The following GALNTL6 variants were observed in gnomAD, a reference collection of about 807,000 sequenced individuals.
GALNTL6 encodes polypeptide N-acetylgalactosaminyltransferase like 6, also known as polypeptide N-acetylgalactosaminyltransferase-like 6.
In GALNTL6, 46 loss-of-function variants were observed where a neutral mutation model predicts 73.7. The ratio of observed to expected loss-of-function variants is 0.62; its 90% CI spans 0.49 to 0.80. The LOEUF is 0.80. Among genes scored for constraint, GALNTL6 ranks in the 30% least tolerant of loss-of-function variants. The pLI is 0.00. For synonymous variants in GALNTL6, 259 were observed against 263.7 expected (o/e 0.98, Z 0.17); for missense variants, 604 against 755.0 (o/e 0.80, Z 2.34).
chr4:172,703,991 C>T (rs761604624), intron 5 of GALNTL6, among the ~76,000 whole-genome samples: 4 of 151,866 alleles, frequency 2.6e-5, no homozygotes, highest in Non-Finnish European at 5.9e-5. Context: ...TGTAATTGTT[C>T]ATAATACTCT....
At chr4:172,415,013 A>G (rs767301537) in intron 5 of GALNTL6, among the ~76,000 whole-genome samples, 1 of 152,046 alleles carries the variant, frequency 6.6e-6, no homozygotes, top group African/African-American at 2.4e-5. Flanking sequence ...AGGCTTGTTG[A>G]CTGTTAAATT....
chr4:172,649,501 C>G (rs1740382714), intron 5 of GALNTL6, among the ~76,000 whole-genome samples: 1 of 152,124 alleles, frequency 6.6e-6, no homozygotes, highest in Non-Finnish European at 1.5e-5. Context: ...GCTTAATTAT[C>G]CCATGATGAT....
At chr4:171,846,676 TTATATC>T (rs1735379176) in intron 2 of GALNTL6, among the ~76,000 whole-genome samples, 2 of 151,354 alleles carry the variant, frequency 1.3e-5, no homozygotes, top group South Asian at 4.2e-4. Context: ...ATTCATATCT[TTATATC>T]TATTCATCTC....
At chr4:172,255,169 A>G (rs968495001) in intron 3 of GALNTL6, among the ~76,000 whole-genome samples, 5 of 151,658 alleles carry the variant, frequency 3.3e-5, no homozygotes, top group Admixed American at 2.0e-4. Context: ...CTGCAAATAC[A>G]CAATTATGCT....
At chr4:171,965,422 C>T (rs1419104403) in intron 2 of GALNTL6, among the ~76,000 whole-genome samples, 10 of 151,800 alleles carry the variant, frequency 6.6e-5, no homozygotes, top group Admixed American at 3.3e-4. Context: ...TTTGGGAAAC[C>T]GAGGCGGGCG....
At chr4:171,890,024 A>C (rs1475054156) in intron 2 of GALNTL6, among the ~76,000 whole-genome samples, 1 of 152,190 alleles carries the variant, frequency 6.6e-6, no homozygotes. Flanking sequence ...TAATTCATTT[A>C]AAATTAATTT....
chr4:172,850,776 G>T (rs183566256), intron 7 of GALNTL6, among the ~76,000 whole-genome samples: 29 of 152,228 alleles, frequency 1.9e-4, no homozygotes, highest in African/African-American at 7.0e-4. Context: ...CTATTACTTT[G>T]CTAGTAAGGC....
chr4:171,843,644 T>G (rs1235791375), intron 2 of GALNTL6, among the ~76,000 whole-genome samples: 1 of 152,126 alleles, frequency 6.6e-6, no homozygotes, highest in Non-Finnish European at 1.5e-5. Flanking sequence ...CTCCCCATAT[T>G]GTGTGTGCAT....
intron 7 of GALNTL6, among the ~76,000 whole-genome samples, chr4:172,880,898 G>A (rs1745419418): frequency 6.6e-6 from 1 of 152,034 alleles, no homozygotes; most frequent in South Asian, 2.1e-4. Flanking sequence ...AAGAAAACAA[G>A]ATTATTGTGT....
chr4:171,864,350 T>G (rs1460556993), intron 2 of GALNTL6, among the ~76,000 whole-genome samples: 1 of 150,298 alleles, frequency 6.7e-6, no homozygotes, highest in African/African-American at 2.5e-5. Flanking sequence ...GAAAGACAAC[T>G]CAGTCTATGA....
chr4:172,073,854 A>T (rs972112445), intron 2 of GALNTL6, among the ~76,000 whole-genome samples: 1 of 152,154 alleles, frequency 6.6e-6, no homozygotes, highest in Admixed American at 6.5e-5. Flanking sequence ...GGGGACAGGG[A>T]GGGACTCTGT....
chr4:171,897,542 G>C (rs1200655438), intron 2 of GALNTL6, among the ~76,000 whole-genome samples: 2 of 152,112 alleles, frequency 1.3e-5, no homozygotes, highest in Non-Finnish European at 2.9e-5. Context: ...ATAAAAGGTG[G>C]CTGGGCGCTG....
intron 2 of GALNTL6, among the ~76,000 whole-genome samples, chr4:172,103,265 A>G (rs1364129074): frequency 1.3e-5 from 2 of 152,162 alleles, no homozygotes; most frequent in Non-Finnish European, 2.9e-5. Context: ...CGGAAGCCAG[A>G]ATTTTTAGGA....
chr4:172,519,111 C>T (rs1561118970), intron 5 of GALNTL6, among the ~76,000 whole-genome samples: 1 of 151,128 alleles, frequency 6.6e-6, no homozygotes, highest in Non-Finnish European at 1.5e-5. Context: ...CACACACACA[C>T]ACATACACCC....
intron 4 of GALNTL6, among the ~76,000 whole-genome samples, chr4:172,343,132 A>G (rs923267673): frequency 6.6e-6 from 1 of 152,210 alleles, no homozygotes; most frequent in African/African-American, 2.4e-5. Context: ...TGTTATAAGT[A>G]AAACAAAAAA....
chr4:172,703,479 A>T (rs1433059564), intron 5 of GALNTL6, among the ~76,000 whole-genome samples: 1 of 151,896 alleles, frequency 6.6e-6, no homozygotes, highest in Non-Finnish European at 1.5e-5. Flanking sequence ...CAGTTTGTTG[A>T]TGTAGTGTAT....
chr4:172,255,665 G>A (rs370425300), intron 3 of GALNTL6, among the ~76,000 whole-genome samples: 2 of 151,170 alleles, frequency 1.3e-5, no homozygotes, highest in South Asian at 2.1e-4. Context: ...TAGTGACTAC[G>A]TTGAAAATAT....
chr4:172,930,480 A>C (rs1167338870), intron 8 of GALNTL6, among the ~76,000 whole-genome samples: 1 of 152,150 alleles, frequency 6.6e-6, no homozygotes, highest in Non-Finnish European at 1.5e-5. Flanking sequence ...TTATATGTTA[A>C]ATTTTTAAAT....
chr4:172,148,421 CA>C (rs1733983577), intron 2 of GALNTL6, among the ~76,000 whole-genome samples: 1 of 151,960 alleles, frequency 6.6e-6, no homozygotes, highest in Non-Finnish European at 1.5e-5. Context: ...TAATAGCAAC[CA>C]AAAACGTATT....
Sources: allele counts gnomAD v4.1 joint callset (sites outside exome capture counted in the v4.1 genomes callset), GRCh38; gene constraint gnomAD v4.1.1; transcripts MANE v1.5; gene names NCBI Gene and HGNC (gene_info 2026-07-23, HGNC 2026-07-21).